The following IL1RAPL1 variants were observed in gnomAD, a reference collection of about 807,000 sequenced individuals.
IL1RAPL1 encodes the protein interleukin 1 receptor accessory protein like 1.
A neutral mutation model predicts 48.4 loss-of-function variants in IL1RAPL1; 3 were observed. That is an observed-to-expected ratio of 0.06 (90% confidence interval 0.03 to 0.16). The LOEUF is 0.16. Among genes scored for constraint, IL1RAPL1 ranks in the 10% least tolerant of loss-of-function variants. The probability of loss-of-function intolerance (pLI) is 1.00; values close to 1 mark genes in which losing one functional copy is unlikely to be tolerated. For missense variants in IL1RAPL1, 349 were observed against 530.6 expected (o/e 0.66, Z 3.36); for synonymous variants, 185 against 187.7 (o/e 0.99, Z 0.12).
At chrX:28,829,820 A>T (rs1921003422) in intron 2 of IL1RAPL1, among the ~76,000 whole-genome samples, 1 of 110,108 alleles carries the variant, frequency 9.1e-6, no homozygotes, top group South Asian at 3.9e-4. Context: ...GGCCTCCCAA[A>T]GTGTTGGGAT....
intron 2 of IL1RAPL1, among the ~76,000 whole-genome samples, chrX:29,045,600 G>A (rs1926938489): frequency 9.0e-6 from 1 of 111,078 alleles, no homozygotes; most frequent in Admixed American, 9.6e-5. Context: ...CAAGTAACTA[G>A]AACTACAGGC....
chrX:29,333,992 C>G (rs1932932020), intron 3 of IL1RAPL1, among the ~76,000 whole-genome samples: 1 of 96,339 alleles, frequency 1.0e-5, no homozygotes, highest in African/African-American at 4.0e-5. Flanking sequence ...CCCCACCTCC[C>G]TCCCGGACGG....
intron 2 of IL1RAPL1, among the ~76,000 whole-genome samples, chrX:28,803,071 C>T (rs1268019574): frequency 8.1e-5 from 9 of 110,986 alleles, no homozygotes; most frequent in Non-Finnish European, 1.1e-4. Flanking sequence ...ATAAAAATAT[C>T]GTATTTTTAT....
intron 6 of IL1RAPL1, among the ~76,000 whole-genome samples, chrX:29,870,635 G>T (rs1962428257): frequency 9.0e-6 from 1 of 111,568 alleles, no homozygotes; most frequent in Admixed American, 9.5e-5. Context: ...ATAGTTTTTT[G>T]AGTACTCTGT....
intron 3 of IL1RAPL1, among the ~76,000 whole-genome samples, chrX:29,384,257 C>G: frequency 9.0e-6 from 1 of 111,293 alleles, no homozygotes; most frequent in East Asian, 2.8e-4. Context: ...CACTACCACC[C>G]CTATATATGA....
chrX:29,899,478 A>G (rs1206037272), intron 6 of IL1RAPL1, among the ~76,000 whole-genome samples: 3 of 110,987 alleles, frequency 2.7e-5, no homozygotes, highest in Non-Finnish European at 3.8e-5. Flanking sequence ...AGTCTTCCTC[A>G]AGAATGAAAA....
chrX:29,447,168 A>G lies in IL1RAPL1; in HGVS notation c.703+47860A>G, dbSNP rs755327635. Among the ~76,000 whole-genome samples, 7 of 111,034 alleles carry G rather than the reference A, an allele frequency of 6.3e-5. No homozygotes were observed. The South Asian group carries it at 2.7e-3, about 42-fold the overall frequency. The stretch of plus-strand genomic sequence containing the variant: ...CTAGTTAGAGTGCCCATTAGTATAC[A>G]TGCATTTTTATTATGCCAGTGTATG... On this transcript the variant is annotated intron_variant, in intron 5 of 10. Coordinates refer to ENST00000378993, the MANE Select transcript of IL1RAPL1 (RefSeq NM_014271.4).
intron 5 of IL1RAPL1, among the ~76,000 whole-genome samples, chrX:29,416,684 A>G (rs1196115840): frequency 8.9e-6 from 1 of 112,266 alleles, no homozygotes; most frequent in African/African-American, 3.2e-5. Context: ...ATGAGGATTT[A>G]CAAATTGTTT....
chrX:28,866,381 T>A (rs912648613), intron 2 of IL1RAPL1, among the ~76,000 whole-genome samples: 1 of 111,070 alleles, frequency 9.0e-6, no homozygotes, highest in African/African-American at 3.3e-5. Context: ...CTGGAGGAAA[T>A]GGTGGGAAGG....
At chrX:29,167,912 T>C (rs1929817630) in intron 2 of IL1RAPL1, among the ~76,000 whole-genome samples, 1 of 111,021 alleles carries the variant, frequency 9.0e-6, no homozygotes, top group Non-Finnish European at 1.9e-5. Flanking sequence ...AAATGAAATA[T>C]GCAGGAAGGA....
intron 6 of IL1RAPL1, among the ~76,000 whole-genome samples, chrX:29,895,555 G>GA (rs1038268455): frequency 3.6e-5 from 4 of 112,447 alleles, no homozygotes; most frequent in African/African-American, 9.7e-5. Context: ...CCGTCTCAAA[G>GA]AAAAAAAGCT....
intron 6 of IL1RAPL1, among the ~76,000 whole-genome samples, chrX:29,902,068 T>C (rs1346506211): frequency 1.8e-5 from 2 of 111,957 alleles, no homozygotes; most frequent in Non-Finnish European, 3.8e-5. Context: ...CTGTACTTTC[T>C]GCCCTTCATC....
chrX:29,101,106 A>T (rs1332003172), intron 2 of IL1RAPL1, among the ~76,000 whole-genome samples: 1 of 111,926 alleles, frequency 8.9e-6, no homozygotes, highest in Non-Finnish European at 1.9e-5. Context: ...ACAAACCTTT[A>T]GCCAGACTAA....
At position 28,723,929 on chromosome X, in the gene IL1RAPL1, T is replaced by G. The variant is rs1489753137; in HGVS notation, c.-24-65391T>G. On this transcript the variant is annotated intron_variant, in intron 1 of 10. Coordinates refer to ENST00000378993, the MANE Select transcript of IL1RAPL1 (RefSeq NM_014271.4). ...TTGAGTGAGTTTCTTAATCCTGAGTTCTAGTTTGATTGCACTGTGGTCTGA... is the reference window on the plus strand; with the variant it reads ...TTGAGTGAGTTTCTTAATCCTGAGTGCTAGTTTGATTGCACTGTGGTCTGA... Among the ~76,000 whole-genome samples the G allele has an allele frequency of 9.8e-5, 11 of 111,996 alleles. No homozygotes were observed. In the Admixed American group the frequency reaches 1.0e-3, roughly 11 times the overall value.
At chrX:28,611,189 A>G (rs752060806) in intron 1 of IL1RAPL1, among the ~76,000 whole-genome samples, 4 of 112,078 alleles carry the variant, frequency 3.6e-5, no homozygotes, top group African/African-American at 1.3e-4. Flanking sequence ...AGAGCAAATC[A>G]GTATCTTAAG....
intron 5 of IL1RAPL1, among the ~76,000 whole-genome samples, chrX:29,497,069 GATGAATTCTCCAT>G (rs1254452513): frequency 8.9e-6 from 1 of 112,594 alleles, no homozygotes; most frequent in East Asian, 2.8e-4. Context: ...GAGTAATTTT[GATGAATTCTCCAT>G]ATTTAGAAGT....
At chrX:29,775,118 G>A (rs1245164556) in intron 6 of IL1RAPL1, among the ~76,000 whole-genome samples, 2 of 111,733 alleles carry the variant, frequency 1.8e-5, no homozygotes, top group Admixed American at 9.6e-5. Context: ...TGTGAGCAGA[G>A]AATTGGGGCA....
At chrX:29,675,178 G>A (rs1342726822) in intron 6 of IL1RAPL1, among the ~76,000 whole-genome samples, 2 of 112,222 alleles carry the variant, frequency 1.8e-5, no homozygotes, top group Non-Finnish European at 3.8e-5. Context: ...TGCAAACTAT[G>A]TATCTGACAA....
intron 5 of IL1RAPL1, among the ~76,000 whole-genome samples, chrX:29,431,020 C>T (rs899131015): frequency 8.1e-5 from 9 of 111,505 alleles, no homozygotes; most frequent in African/African-American, 2.0e-4. Context: ...AGACTGTTTG[C>T]TGTTAATAAC....
Sources: allele counts gnomAD v4.1 joint callset (sites outside exome capture counted in the v4.1 genomes callset), GRCh38; gene constraint gnomAD v4.1.1; transcripts MANE v1.5; gene names NCBI Gene and HGNC (gene_info 2026-07-23, HGNC 2026-07-21).